The following ACADVL variants were observed in gnomAD, a reference collection of about 807,000 sequenced individuals.
ACADVL encodes very long-chain acyl-CoA dehydrogenase, mitochondrial.
A neutral mutation model predicts 80.4 loss-of-function variants in ACADVL; 73 were observed. That is an observed-to-expected ratio of 0.91 (90% confidence interval 0.75 to 1.10). The LOEUF (loss-of-function observed/expected upper bound fraction) is 1.10, where lower values mean the gene tolerates loss of function less well. ACADVL is among the 50% of genes least tolerant of loss of function. The pLI, the probability that ACADVL is intolerant of heterozygous loss-of-function variation, is 0.00. For missense variants in ACADVL, 878 were observed against 858.9 expected, an observed-to-expected ratio of 1.02 and a Z score of -0.28; for synonymous variants, 392 against 326.5, an observed-to-expected ratio of 1.20 and a Z score of -2.16.
intron 7 of ACADVL, 71 bp from the exon 8 acceptor site, chr17:7,221,881 G>C (rs1049541174): frequency 1.9e-6 from 3 of 1,611,956 alleles, no homozygotes; most frequent in Non-Finnish European, 2.5e-6. Context: ...CTGCTGGAGG[G>C]ATGGGGAAGT....
upstream of ACADVL, chr17:7,217,904 C>CGGCA (rs2071008245): frequency 1.5e-6 from 2 of 1,324,180 alleles, no homozygotes; most frequent in East Asian, 2.5e-5. Context: ...GGAGGCCTCT[C>CGGCA]GGCAGGCGGT....
chr17:7,224,408 G>T lies in ACADVL; in HGVS notation c.1605+15G>T, dbSNP rs1567568573. ...GTGGCGAGCTGGTAAGTGGCCAGGG[G>T]TCCAGGAGAGCCTGCATCAGGGACT... On this transcript the variant is annotated intron_variant, in intron 16 of 19. Coordinates refer to ENST00000356839, the MANE Select transcript of ACADVL (RefSeq NM_000018.4). 1 of 1,613,802 alleles carries T rather than the reference G, an allele frequency of 6.2e-7. No individual in the cohort carries two copies. Among genetic ancestry groups the T allele is most frequent in the Admixed American group, 1.7e-5 (1 of 60,014 alleles).
intron 6 of ACADVL, 27 bp downstream of exon 6, chr17:7,221,085 A>G: frequency 6.2e-7 from 1 of 1,612,488 alleles, no homozygotes; most frequent in Non-Finnish European, 8.5e-7. Flanking sequence ...GCCACATCCC[A>G]GTATGCCATA....
Position 7,224,158 on chromosome 17 carries a change from G to A in ACADVL, c.1447G>A (p.Glu483Lys). The A allele has an allele frequency of 6.2e-7, 1 of 1,614,190 alleles. No homozygotes were observed. Among genetic ancestry groups the A allele is most frequent in the South Asian group, 1.1e-5 (1 of 91,084 alleles). Residue 483 changes from glutamate to lysine, a missense_variant, in exon 15 of 20, where the codon GAG (glutamate) becomes AAG (lysine). Transcript: ENST00000356839. ...ALQGCMDKGK[E>K]LSGLGSALKN... ...TCTTCCCCCATAGGACAAAGGAAAG[G>A]AGCTCTCTGGGCTTGGCAGTGCTCT...
upstream of ACADVL, chr17:7,217,887 A>T: frequency 6.9e-7 from 1 of 1,442,688 alleles, no homozygotes; most frequent in Non-Finnish European, 9.4e-7. Flanking sequence ...TTATTTGAAT[A>T]CGGGAGGGAG....
At chr17:7,219,322 G>T, upstream of ACADVL, 1 of 893,006 alleles carries the variant, frequency 1.1e-6, no homozygotes, top group Non-Finnish European at 1.4e-6. Context: ...GGAAGGAACA[G>T]AGGGCAAAGA....
Position 7,222,305 on chromosome 17 carries a change from G to A in ACADVL, c.878+3G>A. 6.2e-7 allele frequency: 1 copy of A among 1,613,716 alleles called. No individual in the cohort carries two copies. The highest frequency in any genetic ancestry group is 8.5e-7 in the Non-Finnish European group (1 of 1,179,824). ...AGGGGCTTCGGGGGCATTACCCAGT[G>A]AGTGAATTTGGGTTGGGGGAGCTTA... On this transcript the variant is annotated splice_donor_region_variant and intron_variant, in intron 9 of 19. Transcript: ENST00000356839.
intron 11 of ACADVL, 34 bp downstream of exon 11, chr17:7,223,271 C>T: frequency 6.4e-7 from 1 of 1,573,776 alleles, no homozygotes; most frequent in Non-Finnish European, 8.7e-7. Context: ...CCCTGGAGCC[C>T]TGGGGCTTTC....
chr17:7,217,685 T>G, upstream of ACADVL: 1 of 1,517,648 alleles, frequency 6.6e-7, no homozygotes, highest in Non-Finnish European at 8.8e-7. Context: ...GGGGGGTGCC[T>G]TGGCAGAGTT....
At chr17:7,224,758 G>T (rs1474218799) in intron 18 of ACADVL, 44 bp downstream of exon 18, 2 of 1,613,098 alleles carry the variant, frequency 1.2e-6, no homozygotes, top group Non-Finnish European at 8.5e-7. Context: ...GGGGGCCTGG[G>T]CCTGGATCCC....
In ACADVL at chr17:7,220,608, C is replaced by T. The variant is rs1176862546; in HGVS notation, c.209C>T (p.Ser70Phe). ...LTRKKPAKAE[S>F]KSFAVGMFKG... ...AATTTGCCTCTCTCTGCCCAGGAATCTAAGTCCTTTGCTGTGGGAATGTTC... is the reference window on the plus strand; with the variant it reads ...AATTTGCCTCTCTCTGCCCAGGAATTTAAGTCCTTTGCTGTGGGAATGTTC... Residue 70 changes from serine to phenylalanine, a missense_variant, in exon 4 of 20, where the codon TCT becomes TTT. Physicochemically the swap from Ser to Phe is radical, Grantham distance 155. Coordinates refer to ENST00000356839, the MANE Select transcript of ACADVL (RefSeq NM_000018.4). 2 of 1,614,118 alleles carry T rather than the reference C, an allele frequency of 1.2e-6. No individual in the cohort carries two copies. Among genetic ancestry groups the T allele is most frequent in the African/African-American group, 2.7e-5 (2 of 74,944 alleles).
chr17:7,219,687 C>A, upstream of ACADVL: 1 of 1,358,580 alleles, frequency 7.4e-7, no homozygotes, highest in Non-Finnish European at 9.5e-7. Flanking sequence ...ACTTAAGCCC[C>A]TTCCTCTTCT....
rs1597533902 is a variant in ACADVL, at chr17:7,223,661, G to A, written c.1200G>A (p.Val400=). Reference sequence around the variant, plus strand: ...AACCTCAGTCCATGGCTTACATGGTGAGTGCTAACATGGACCAGGGAGCCA... The same window carrying A: ...AACCTCAGTCCATGGCTTACATGGTAAGTGCTAACATGGACCAGGGAGCCA... ...QYVTESMAYM[V]SANMDQGATD... is the part of the protein sequence containing the mutation. Residue 400 remains valine, a synonymous_variant, in exon 12 of 20, where the codon GTG becomes GTA. Transcript: ENST00000356839. 2 of 1,613,982 alleles carry A rather than the reference G, an allele frequency of 1.2e-6. No homozygotes were observed. The highest frequency in any genetic ancestry group is 1.1e-5 in the South Asian group (1 of 91,076).
chr17:7,219,605 C>T (rs956949999), upstream of ACADVL: 18 of 1,177,102 alleles, frequency 1.5e-5, no homozygotes, highest in African/African-American at 1.3e-4. Flanking sequence ...ACTTCTCTTT[C>T]CCTACTTTTC....
chr17:7,221,859 A>C (rs1403093479), intron 7 of ACADVL, 93 bp from the exon 8 acceptor site: 103 of 1,605,158 alleles, frequency 6.4e-5, no homozygotes, highest in Non-Finnish European at 5.2e-5. Flanking sequence ...CCAGGTGTTA[A>C]GGGGGAACTG....
At chr17:7,221,474 T>A (rs2071218255) in intron 6 of ACADVL, 64 bp from the exon 7 acceptor site, 1 of 1,610,718 alleles carries the variant, frequency 6.2e-7, no homozygotes, top group Non-Finnish European at 8.5e-7. Context: ...TTGCCCACAC[T>A]CTCCTGTTAA....
In ACADVL at chr17:7,224,871, C is replaced by A. The variant is rs1361423686; in HGVS notation, c.1814C>A (p.Thr605Asn). The A allele has an allele frequency of 1.2e-6, 2 of 1,614,110 alleles. No homozygotes were observed. Among genetic ancestry groups the A allele is most frequent in the East Asian group, 4.5e-5 (2 of 44,880 alleles). The change falls in exon 19 of 20, where the codon ACC becomes AAC. Residue 605 changes from threonine (T) to asparagine (N), a missense_variant. By Grantham distance (65) the Thr-to-Asn change is moderately conservative. Coordinates refer to ENST00000356839, the MANE Select transcript of ACADVL (RefSeq NM_000018.4). The stretch of plus-strand genomic sequence containing the variant: ...CAGCATGAGAAAATGCTCTGTGACA[C>A]CTGGTGTATCGAGGTGAGACTCGGG... ...TAQHEKMLCD[T>N]WCIEAAARIR...
intron 2 of ACADVL, 67 bp downstream of exon 2, chr17:7,220,264 A>T: frequency 6.6e-7 from 1 of 1,507,520 alleles, no homozygotes; most frequent in African/African-American, 1.4e-5. Context: ...CGCCATCGGC[A>T]GGGATCTCCC....
upstream of ACADVL, chr17:7,218,987 A>T: frequency 1.2e-6 from 1 of 867,434 alleles, no homozygotes; most frequent in East Asian, 2.6e-5. Context: ...GTCCCAAGGC[A>T]CCAGCACCGC....
Sources: allele counts gnomAD v4.1 joint callset, GRCh38; gene constraint gnomAD v4.1.1; transcripts MANE v1.5; gene names NCBI Gene and HGNC (gene_info 2026-07-23, HGNC 2026-07-21).